The following SPAG16 variants were observed in gnomAD, a reference collection of about 807,000 sequenced individuals.
SPAG16 encodes sperm-associated antigen 16 protein.
Under a neutral mutation model 80.4 loss-of-function variants are expected in SPAG16, and 86 were observed. The ratio of observed to expected loss-of-function variants is 1.07; its 90% CI spans 0.90 to 1.28. The LOEUF is 1.28. Ranked by LOEUF, SPAG16 falls within the 50% of genes most tolerant of loss-of-function variation. The pLI, the probability that SPAG16 is intolerant of heterozygous loss-of-function variation, is 0.00. For missense variants in SPAG16, 870 were observed against 765.3 expected, an observed-to-expected ratio of 1.14 and a Z score of -1.61; for synonymous variants, 294 against 265.9, an observed-to-expected ratio of 1.11 and a Z score of -1.03.
intron 10 of SPAG16, among the ~76,000 whole-genome samples, chr2:213,492,319 T>C (rs565781629): frequency 4.6e-5 from 7 of 152,252 alleles, no homozygotes; most frequent in South Asian, 2.1e-4. Context: ...TTTGGGAGGC[T>C]GAGGTGGGCA....
intron 10 of SPAG16, among the ~76,000 whole-genome samples, chr2:213,671,482 T>G (rs987450393): frequency 5.3e-5 from 8 of 152,182 alleles, no homozygotes; most frequent in African/African-American, 1.9e-4. Flanking sequence ...AAGATGGCAC[T>G]TCAGAGCCAC....
At position 214,149,216 on chromosome 2, in the gene SPAG16, C is replaced by T. The variant is rs199871298; in HGVS notation, c.1670C>T (p.Ser557Phe). Reference sequence around the variant, plus strand: ...TTTCGGAAGCTGTTACCAATTGTGTCCATCGATATAGGTCCAAGTCCTGGC... The same window carrying T: ...TTTCGGAAGCTGTTACCAATTGTGTTCATCGATATAGGTCCAAGTCCTGGC... The part of the protein sequence containing the change: ...WDFRKLLPIV[S>F]IDIGPSPGNE... The change falls in exon 15 of 16, where the codon TCC (serine) becomes TTC (phenylalanine). Residue 557 changes from serine to phenylalanine, a missense_variant. Coordinates refer to ENST00000331683, the MANE Select transcript of SPAG16 (RefSeq NM_024532.5). The T allele has an allele frequency of 4.4e-6, 7 of 1,599,322 alleles. No homozygotes were observed. In the East Asian group the frequency reaches 1.6e-4, roughly 37 times the overall value.
chr2:213,756,050 G>A (rs1321949247), intron 10 of SPAG16, among the ~76,000 whole-genome samples: 1 of 152,198 alleles, frequency 6.6e-6, no homozygotes, highest in African/African-American at 2.4e-5. Context: ...AGTAGGACTA[G>A]ATCTGCAGAC....
rs150421377 is a variant in SPAG16 at position 214,207,355 on chromosome 2, C to T, written c.1720+58089C>T. Among the ~76,000 whole-genome samples, 493 of 152,212 alleles carry T rather than the reference C, an allele frequency of 3.2e-3. 1 individual carries two copies. The highest frequency in any genetic ancestry group is 0.011 in the African/African-American group (448 of 41,542). ...ATCCCCTTCCTTTCCTGTTCCTCTCCTCATCATATTACATCTTCCACCAAT... is the reference window on the plus strand; with the variant it reads ...ATCCCCTTCCTTTCCTGTTCCTCTCTTCATCATATTACATCTTCCACCAAT... On this transcript the variant is annotated intron_variant, in intron 15 of 15. Coordinates refer to ENST00000331683, the MANE Select transcript of SPAG16 (RefSeq NM_024532.5).
intron 15 of SPAG16, among the ~76,000 whole-genome samples, chr2:214,210,839 G>GCGCA (rs1553528032): frequency 2.7e-5 from 4 of 149,418 alleles, no homozygotes; most frequent in African/African-American, 9.8e-5. Flanking sequence ...ATGCGCGCGC[G>GCGCA]CACACACACA....
chr2:213,543,215 G>C (rs1359514115), intron 10 of SPAG16, among the ~76,000 whole-genome samples: 4 of 151,924 alleles, frequency 2.6e-5, no homozygotes, highest in Non-Finnish European at 5.9e-5. Flanking sequence ...AAATTGGTTA[G>C]GTTGAGCATC....
chr2:214,170,619 T>C (rs909619198), intron 15 of SPAG16, among the ~76,000 whole-genome samples: 11 of 152,070 alleles, frequency 7.2e-5, no homozygotes, highest in African/African-American at 2.4e-4. Context: ...CAAATAAGCC[T>C]TTTATTTATG....
intron 11 of SPAG16, among the ~76,000 whole-genome samples, chr2:213,875,738 T>C (rs939643492): frequency 6.6e-6 from 1 of 152,152 alleles, no homozygotes; most frequent in Non-Finnish European, 1.5e-5. Context: ...CCAAGACCTG[T>C]AGCTTACATT....
chr2:213,444,750 A>G lies in SPAG16; in HGVS notation c.943-45213A>G, dbSNP rs1003701144. Reference sequence around the variant, plus strand: ...GAAAAGAAAAAAAATTCTAAAATTTATATGAAACCACAAAATACCCAGAAT... The same window carrying G: ...GAAAAGAAAAAAAATTCTAAAATTTGTATGAAACCACAAAATACCCAGAAT... On this transcript the variant is annotated intron_variant, in intron 9 of 15. Coordinates refer to ENST00000331683, the MANE Select transcript of SPAG16 (RefSeq NM_024532.5). Among the ~76,000 whole-genome samples the G allele has an allele frequency of 5.3e-5, 8 of 152,170 alleles. No homozygotes were observed. In the South Asian group the frequency reaches 6.2e-4, roughly 12 times the overall value.
chr2:214,071,333 A>G (rs1342755722), intron 13 of SPAG16, among the ~76,000 whole-genome samples: 2 of 152,182 alleles, frequency 1.3e-5, no homozygotes, highest in African/African-American at 2.4e-5. Flanking sequence ...AGCACATTAA[A>G]TACAAGTATA....
chr2:213,583,388 C>A (rs1418449223), intron 10 of SPAG16, among the ~76,000 whole-genome samples: 1 of 152,128 alleles, frequency 6.6e-6, no homozygotes, highest in African/African-American at 2.4e-5. Flanking sequence ...TTTAAATAGT[C>A]ATTGTTACTG....
chr2:214,186,297 G>A (rs189242801), intron 15 of SPAG16, among the ~76,000 whole-genome samples: 1 of 152,074 alleles, frequency 6.6e-6, no homozygotes, highest in Non-Finnish European at 1.5e-5. Flanking sequence ...CACCTCTGAA[G>A]TTAAAATGCA....
chr2:213,826,382 A>G (rs1014463043), intron 10 of SPAG16, among the ~76,000 whole-genome samples: 3 of 151,964 alleles, frequency 2.0e-5, no homozygotes, highest in African/African-American at 7.2e-5. Context: ...ACTTATAGCT[A>G]TAAACTTTCC....
intron 15 of SPAG16, among the ~76,000 whole-genome samples, chr2:214,344,686 G>A (rs376441125): frequency 7.9e-5 from 12 of 152,156 alleles, no homozygotes; most frequent in African/African-American, 2.9e-4. Flanking sequence ...AATTCTATAA[G>A]GTATGTTATT....
At chr2:213,687,214 T>C (rs571376718) in intron 10 of SPAG16, among the ~76,000 whole-genome samples, 1 of 152,296 alleles carries the variant, frequency 6.6e-6, no homozygotes, top group Non-Finnish European at 1.5e-5. Flanking sequence ...TTCCAATTTC[T>C]TCTCCTGGCC....
intron 13 of SPAG16, among the ~76,000 whole-genome samples, chr2:214,079,393 T>A (rs962198775): frequency 6.6e-6 from 1 of 152,210 alleles, no homozygotes; most frequent in African/African-American, 2.4e-5. Context: ...AAAAGAAATC[T>A]CTTTGTTTGA....
chr2:213,592,777 C>T (rs1218648008), intron 10 of SPAG16, among the ~76,000 whole-genome samples: 1 of 152,160 alleles, frequency 6.6e-6, no homozygotes, highest in Non-Finnish European at 1.5e-5. Context: ...TGCAATTTGA[C>T]GTTGATGCAA....
At chr2:214,190,247 C>T (rs1316931699) in intron 15 of SPAG16, among the ~76,000 whole-genome samples, 1 of 150,104 alleles carries the variant, frequency 6.7e-6, no homozygotes, top group African/African-American at 2.5e-5. Context: ...AGGTAGTTGA[C>T]TAAGATTAAA....
At position 214,262,691 on chromosome 2, in the gene SPAG16, T is replaced by C. The variant is rs193213144; in HGVS notation, c.1720+113425T>C. Among the ~76,000 whole-genome samples the C allele has an allele frequency of 1.9e-3, 284 of 152,138 alleles. 3 individuals are homozygous for C. Among genetic ancestry groups the C allele is most frequent in the Admixed American group, 6.0e-3 (91 of 15,280 alleles). On this transcript the variant is annotated intron_variant, in intron 15 of 15. Coordinates refer to ENST00000331683, the MANE Select transcript of SPAG16 (RefSeq NM_024532.5). ...TAAAATGGGGGCAGGGTTGACTAAG[T>C]GATTCCAAGATCTTATTTGGCTCTA...
Sources: allele counts gnomAD v4.1 joint callset (sites outside exome capture counted in the v4.1 genomes callset), GRCh38; gene constraint gnomAD v4.1.1; transcripts MANE v1.5; gene names NCBI Gene and HGNC (gene_info 2026-07-23, HGNC 2026-07-21).